Variants in SNX30 observed in about 807,000 individuals in gnomAD.
The protein encoded by SNX30 is sorting nexin family member 30, also known as sorting nexin-30.
Under a neutral mutation model 46.4 loss-of-function variants are expected in SNX30, and 24 were observed. That is an observed-to-expected ratio of 0.52 (90% confidence interval 0.37 to 0.73). SNX30 has a LOEUF of 0.73. Among genes scored for constraint, SNX30 ranks in the 30% least tolerant of loss-of-function variants. The pLI is 0.00. For missense variants in SNX30, 533 were observed against 555.7 expected (o/e 0.96, Z 0.41); for synonymous variants, 189 against 211.5 (o/e 0.89, Z 0.92).
At chr9:112,792,719 A>G (rs972280610) in intron 1 of SNX30, among the ~76,000 whole-genome samples, 6 of 152,046 alleles carry the variant, frequency 3.9e-5, no homozygotes, top group African/African-American at 1.4e-4. Flanking sequence ...AGGCCACTAC[A>G]CCTGGGCCAT....
chr9:112,859,038 C>T (rs544517079), intron 7 of SNX30, among the ~76,000 whole-genome samples: 2 of 152,326 alleles, frequency 1.3e-5, no homozygotes, highest in Admixed American at 6.5e-5. Flanking sequence ...ATATCTGGAA[C>T]TCTTTTCATC....
intron 8 of SNX30, among the ~76,000 whole-genome samples, chr9:112,865,661 A>ATATATATATATATGTGTGTG: frequency 6.6e-5 from 7 of 105,684 alleles, no homozygotes; most frequent in African/African-American, 2.7e-4. Flanking sequence ...ATATATATAT[A>ATATATATATATATGTGTGTG]TGTATGTATG....
At chr9:112,785,844 T>A (rs1430982531) in intron 1 of SNX30, among the ~76,000 whole-genome samples, 3 of 152,180 alleles carry the variant, frequency 2.0e-5, no homozygotes, top group Middle Eastern at 3.2e-3. Flanking sequence ...AGCTAAATTT[T>A]GTCTAACAAC....
intron 8 of SNX30, among the ~76,000 whole-genome samples, chr9:112,867,289 C>T (rs1475634517): frequency 1.4e-5 from 2 of 145,084 alleles, no homozygotes; most frequent in African/African-American, 5.1e-5. Flanking sequence ...CAGGATTCCT[C>T]CTCCCTCCTC....
chr9:112,763,151 T>C (rs1409380259), intron 1 of SNX30, among the ~76,000 whole-genome samples: 1 of 151,416 alleles, frequency 6.6e-6, no homozygotes, highest in Non-Finnish European at 1.5e-5. Context: ...TGACAGCATC[T>C]GCTACAGTTT....
chr9:112,872,904 T>C lies in SNX30; in HGVS notation c.*4061T>C, dbSNP rs1485756242. ...GGCCAGCCTCACAGCTTGCGTTGGG[T>C]GTGTTGGAATTGTTCTCTTCGGCCT... On this transcript the variant is annotated 3_prime_UTR_variant, in exon 9 of 9. Transcript: ENST00000374232. The C allele has an allele frequency of 1.3e-5, 2 of 152,182 alleles. No individual in the cohort carries two copies. Among genetic ancestry groups the C allele is most frequent in the Non-Finnish European group, 2.9e-5 (2 of 68,044 alleles). 9.4% of individuals were successfully genotyped at this position (152,182 alleles called of 1,614,324 possible). A position where few individuals can be genotyped will look rare whatever the true frequency, so the allele number is the denominator to read the frequency against.
chr9:112,816,010 T>C (rs1840390872), intron 2 of SNX30, among the ~76,000 whole-genome samples: 1 of 152,130 alleles, frequency 6.6e-6, no homozygotes, highest in African/African-American at 2.4e-5. Context: ...ACCTGGCTAA[T>C]TTAAAACTTT....
downstream of SNX30, chr9:112,878,906 G>A (rs1262522958): frequency 6.6e-6 from 1 of 152,208 alleles, no homozygotes; most frequent in Non-Finnish European, 1.5e-5. Flanking sequence ...GGGAAGGAAC[G>A]ATTCACACAC....
intron 1 of SNX30, among the ~76,000 whole-genome samples, chr9:112,765,349 T>G (rs1167080752): frequency 6.6e-6 from 1 of 152,246 alleles, no homozygotes; most frequent in Non-Finnish European, 1.5e-5. Context: ...TTAGTGGTTT[T>G]GAATATATTC....
intron 3 of SNX30, among the ~76,000 whole-genome samples, chr9:112,819,759 T>C (rs1365108300): frequency 1.3e-5 from 2 of 152,204 alleles, no homozygotes; most frequent in Non-Finnish European, 2.9e-5. Flanking sequence ...TCTGACGGCT[T>C]TCCCAATCGG....
At chr9:112,791,030 C>T (rs1840010795) in intron 1 of SNX30, among the ~76,000 whole-genome samples, 1 of 152,110 alleles carries the variant, frequency 6.6e-6, no homozygotes, top group Non-Finnish European at 1.5e-5. Flanking sequence ...AATATGTCCA[C>T]TACATTTTTT....
Position 112,759,136 on chromosome 9 carries a change from G to C in SNX30, c.156+7979G>C, listed in dbSNP as rs565408732. Among the ~76,000 whole-genome samples the C allele has an allele frequency of 8.5e-5, 13 of 152,174 alleles. No homozygotes were observed. The South Asian group carries it at 2.7e-3, about 32-fold the overall frequency. On this transcript the variant is annotated intron_variant, in intron 1 of 8. Coordinates refer to ENST00000374232, the MANE Select transcript of SNX30 (RefSeq NM_001012994.2). ...CTGCCTCAACTTCCCAAAATGCTTG[G>C]ATTATAGGCCTGAGTCACTGTGCCT... is the stretch of plus-strand genomic sequence containing the variant.
chr9:112,810,178 A>C (rs1436240474), intron 2 of SNX30, among the ~76,000 whole-genome samples: 2 of 152,090 alleles, frequency 1.3e-5, no homozygotes, highest in East Asian at 1.9e-4. Flanking sequence ...GGGATTAGAA[A>C]TTTTCACAAC....
intron 1 of SNX30, among the ~76,000 whole-genome samples, chr9:112,797,711 CTTT>C (rs71384277): frequency 8.2e-6 from 1 of 121,356 alleles, no homozygotes. Flanking sequence ...TTTTCTTTTT[CTTT>C]TTTTTTTTTT....
At chr9:112,839,684 T>C (rs1213028344) in intron 6 of SNX30, among the ~76,000 whole-genome samples, 2 of 152,152 alleles carry the variant, frequency 1.3e-5, no homozygotes, top group African/African-American at 4.8e-5. Context: ...CGTGGTTCAG[T>C]GTTGAACATT....
At chr9:112,834,536 T>G (rs1245891498) in intron 4 of SNX30, among the ~76,000 whole-genome samples, 1 of 151,962 alleles carries the variant, frequency 6.6e-6, no homozygotes, top group East Asian at 1.9e-4. Context: ...CCTCCCTGGG[T>G]GTAGCACCCT....
intron 8 of SNX30, among the ~76,000 whole-genome samples, chr9:112,867,011 C>G: frequency 6.7e-6 from 1 of 148,598 alleles, no homozygotes; most frequent in African/African-American, 2.5e-5. Flanking sequence ...AGAACTCCTC[C>G]CCCCTCCTCA....
chr9:112,856,481 G>A (rs551669211), intron 7 of SNX30, among the ~76,000 whole-genome samples: 57 of 151,928 alleles, frequency 3.8e-4, no homozygotes, highest in African/African-American at 1.3e-3. Context: ...AGGGGAGTGG[G>A]GCATTGGTGT....
intron 1 of SNX30, among the ~76,000 whole-genome samples, chr9:112,759,184 C>T (rs899558317): frequency 1.3e-5 from 2 of 152,072 alleles, no homozygotes; most frequent in East Asian, 3.9e-4. Context: ...TATTTTGTGA[C>T]TCCTCTTTAC....
Sources: gnomAD v4.1 joint callset for allele counts (sites outside exome capture counted in the v4.1 genomes callset) on GRCh38, gnomAD v4.1.1 for gene constraint, MANE v1.5 for transcripts, NCBI Gene and HGNC (gene_info 2026-07-23, HGNC 2026-07-21) for gene names.